The following COL25A1 variants were observed in gnomAD, a reference collection of about 807,000 sequenced individuals.
The protein encoded by COL25A1 is collagen alpha-1(XXV) chain.
Under a neutral mutation model 128.4 loss-of-function variants are expected in COL25A1, and 103 were observed. That is an observed-to-expected ratio of 0.80 (90% confidence interval 0.68 to 0.94). The LOEUF is 0.94. Among genes scored for constraint, COL25A1 ranks in the 40% least tolerant of loss-of-function variants. The pLI, the probability that COL25A1 is intolerant of heterozygous loss-of-function variation, is 0.00. For missense variants in COL25A1, 745 were observed against 840.0 expected, an observed-to-expected ratio of 0.89 and a Z score of 1.40; for synonymous variants, 279 against 277.2, an observed-to-expected ratio of 1.01 and a Z score of -0.06.
At chr4:109,254,566 C>T (rs1470599649) in intron 3 of COL25A1, among the ~76,000 whole-genome samples, 1 of 143,036 alleles carries the variant, frequency 7.0e-6, no homozygotes, top group Non-Finnish European at 1.5e-5. Flanking sequence ...TTAATACATG[C>T]CCCCTCATCT....
At chr4:108,980,832 C>G (rs1433972183) in intron 6 of COL25A1, among the ~76,000 whole-genome samples, 1 of 152,252 alleles carries the variant, frequency 6.6e-6, no homozygotes, top group East Asian at 1.9e-4. Flanking sequence ...TCTAGGAGCA[C>G]AGCACAACCT....
chr4:109,162,114 T>C (rs903323586), intron 3 of COL25A1, among the ~76,000 whole-genome samples: 1 of 152,124 alleles, frequency 6.6e-6, no homozygotes, highest in African/African-American at 2.4e-5. Flanking sequence ...ATTAGTGTAA[T>C]ATGGTGCAGT....
chr4:109,128,878 CTCA>C (rs1203823180), intron 3 of COL25A1, among the ~76,000 whole-genome samples: 1 of 152,178 alleles, frequency 6.6e-6, no homozygotes, highest in Non-Finnish European at 1.5e-5. Flanking sequence ...ACTTGTAGAA[CTCA>C]AGCTATGGTA....
At chr4:108,863,671 T>C (rs1737538338) in intron 20 of COL25A1, among the ~76,000 whole-genome samples, 1 of 152,290 alleles carries the variant, frequency 6.6e-6, no homozygotes, top group South Asian at 2.1e-4. Context: ...TGGAGGAGAT[T>C]GGCAGGTGAG....
intron 13 of COL25A1, among the ~76,000 whole-genome samples, chr4:108,904,227 T>G (rs1157321119): frequency 6.6e-6 from 1 of 152,136 alleles, no homozygotes; most frequent in African/African-American, 2.4e-5. Flanking sequence ...ACTGAATGTT[T>G]CCTGAGACAT....
intron 3 of COL25A1, among the ~76,000 whole-genome samples, chr4:109,156,282 A>T (rs1232603957): frequency 6.6e-6 from 1 of 152,216 alleles, no homozygotes; most frequent in African/African-American, 2.4e-5. Flanking sequence ...TTTTAGACCC[A>T]GGTTTTGAAG....
At chr4:109,006,629 G>C (rs963949533) in intron 6 of COL25A1, among the ~76,000 whole-genome samples, 1 of 151,906 alleles carries the variant, frequency 6.6e-6, no homozygotes, top group African/African-American at 2.4e-5. Flanking sequence ...TACAGTTTAT[G>C]CAAATTTACT....
At chr4:108,897,165 T>C (rs895242950) in intron 15 of COL25A1, among the ~76,000 whole-genome samples, 7 of 152,144 alleles carry the variant, frequency 4.6e-5, no homozygotes, top group Admixed American at 3.9e-4. Flanking sequence ...TTCAAGCATA[T>C]CTCAAAATCT....
chr4:109,092,005 C>T (rs1429394693), intron 3 of COL25A1, among the ~76,000 whole-genome samples: 1 of 152,140 alleles, frequency 6.6e-6, no homozygotes, highest in Non-Finnish European at 1.5e-5. Context: ...TGGATGACAG[C>T]CCAAGGAAAC....
intron 13 of COL25A1, among the ~76,000 whole-genome samples, chr4:108,905,163 T>C (rs17596124): frequency 0.18 from 27,558 of 152,082 alleles, 2,720 homozygotes; most frequent in Non-Finnish European, 0.22. Flanking sequence ...ACCTATACGT[T>C]ATACCTGGAA....
chr4:108,813,705 G>T lies in COL25A1; in HGVS notation c.*222C>A, dbSNP rs1227678022. 4.0e-6 allele frequency: 2 copies of T among 504,250 alleles called. No homozygotes were observed. The highest frequency in any genetic ancestry group is 3.6e-6 in the Non-Finnish European group (1 of 279,472). 31.2% of individuals were successfully genotyped at this position (504,250 alleles called of 1,614,324 possible). A position where few individuals can be genotyped will look rare whatever the true frequency, so the allele number is the denominator to read the frequency against. On this transcript the variant is annotated 3_prime_UTR_variant, in exon 38 of 38. Coordinates refer to ENST00000399132, the MANE Select transcript of COL25A1 (RefSeq NM_198721.4). Reference sequence around the variant, plus strand: ...TACGTATCTTCACATAAGATAAGGAGATACTGATCTATATTTTTTGCAGGA... The same window carrying T: ...TACGTATCTTCACATAAGATAAGGATATACTGATCTATATTTTTTGCAGGA...
chr4:109,291,813 G>A (rs1724498605), intron 3 of COL25A1, among the ~76,000 whole-genome samples: 1 of 151,934 alleles, frequency 6.6e-6, no homozygotes, highest in African/African-American at 2.4e-5. Flanking sequence ...GAAGTGAGAT[G>A]TAGATTTTTC....
chr4:109,271,000 A>G (rs2126264802), intron 3 of COL25A1, among the ~76,000 whole-genome samples: 1 of 152,252 alleles, frequency 6.6e-6, no homozygotes, highest in South Asian at 2.1e-4. Context: ...TGAGACTGGA[A>G]GGATTTTAGT....
intron 3 of COL25A1, among the ~76,000 whole-genome samples, chr4:109,172,077 C>G (rs1282636015): frequency 6.6e-6 from 1 of 152,136 alleles, no homozygotes; most frequent in African/African-American, 2.4e-5. Flanking sequence ...CCTGAACCAT[C>G]AGCTCTGGAA....
At chr4:108,981,826 A>T (rs911811534) in intron 6 of COL25A1, among the ~76,000 whole-genome samples, 2 of 152,252 alleles carry the variant, frequency 1.3e-5, no homozygotes, top group Admixed American at 1.3e-4. Context: ...AATAGTAATT[A>T]TCAAGTACAC....
At chr4:109,188,789 A>G (rs1040843162) in intron 3 of COL25A1, among the ~76,000 whole-genome samples, 2 of 152,172 alleles carry the variant, frequency 1.3e-5, no homozygotes, top group Non-Finnish European at 2.9e-5. Flanking sequence ...TGCCATGGAA[A>G]TCCTCCATAG....
At chr4:109,289,299 A>T (rs111425730) in intron 3 of COL25A1, among the ~76,000 whole-genome samples, 1 of 152,086 alleles carries the variant, frequency 6.6e-6, no homozygotes, top group Non-Finnish European at 1.5e-5. Context: ...ATATTCCTGA[A>T]CTAAAAATAT....
At chr4:108,818,858 CCTT>C (rs1345633033) in intron 36 of COL25A1, among the ~76,000 whole-genome samples, 1 of 109,572 alleles carries the variant, frequency 9.1e-6, no homozygotes, top group Non-Finnish European at 2.2e-5. Flanking sequence ...GGCAGAAATA[CCTT>C]TTTTTTTTTT....
chr4:108,937,445 A>T (rs1312660770), intron 11 of COL25A1, among the ~76,000 whole-genome samples: 1 of 152,102 alleles, frequency 6.6e-6, no homozygotes, highest in African/African-American at 2.4e-5. Context: ...TGCTGTGCTA[A>T]TTCATTTAGT....
Sources: allele counts gnomAD v4.1 joint callset (sites outside exome capture counted in the v4.1 genomes callset), GRCh38; gene constraint gnomAD v4.1.1; transcripts MANE v1.5; gene names NCBI Gene and HGNC (gene_info 2026-07-23, HGNC 2026-07-21).